Variants in MPP4 observed in about 807,000 individuals in gnomAD.
The protein encoded by MPP4 is MAGUK p55 scaffold protein 4.
A neutral mutation model predicts 98.3 loss-of-function variants in MPP4; 91 were observed. The observed-to-expected ratio is 0.93, with a 90% confidence interval of 0.78 to 1.10. The LOEUF (loss-of-function observed/expected upper bound fraction) is 1.10, where lower values mean the gene tolerates loss of function less well. Among genes scored for constraint, MPP4 ranks in the 50% least tolerant of loss-of-function variants. The probability of loss-of-function intolerance (pLI) is 0.00; values close to 1 mark genes in which losing one functional copy is unlikely to be tolerated. For missense variants in MPP4, 744 were observed against 792.9 expected, an observed-to-expected ratio of 0.94 and a Z score of 0.74; for synonymous variants, 261 against 271.8, an observed-to-expected ratio of 0.96 and a Z score of 0.39.
chr2:201,652,555 T>G (rs1687743575), intron 18 of MPP4, among the ~76,000 whole-genome samples: 1 of 152,256 alleles, frequency 6.6e-6, no homozygotes, highest in Admixed American at 6.5e-5. Context: ...TGCCACAATT[T>G]CATTTTCATC....
chr2:201,647,065 AATGT>A lies in MPP4; in HGVS notation c.1719+622_1719+625del, dbSNP rs1388417751. On this transcript the variant is annotated intron_variant, in intron 21 of 21. Coordinates refer to ENST00000409474, the MANE Select transcript of MPP4 (RefSeq NM_033066.3). ...ACTGTACACTCTGTACACCTTACTG[AATGT>A]ATGTTATGACACAATATTTAAAGCA... is the stretch of plus-strand genomic sequence containing the variant. 7.2e-5 allele frequency among the ~76,000 whole-genome samples: 11 copies of A among 152,342 alleles called. 1 individual carries two copies. The highest frequency in any genetic ancestry group is 2.6e-4 in the African/African-American group (11 of 41,586).
At chr2:201,698,016 G>C (rs961407642) in intron 1 of MPP4, 10 of 985,234 alleles carry the variant, frequency 1.0e-5, no homozygotes, top group Non-Finnish European at 1.2e-5. Flanking sequence ...TCTTGATTGA[G>C]ACTGCAAATA....
intron 5 of MPP4, among the ~76,000 whole-genome samples, chr2:201,686,603 T>C (rs1360170326): frequency 6.6e-6 from 1 of 152,134 alleles, no homozygotes; most frequent in Admixed American, 6.5e-5. Context: ...AAATTCTTCA[T>C]TTCACGGGCT....
chr2:201,661,335 T>C (rs1688019067), intron 14 of MPP4: 2 of 447,624 alleles, frequency 4.5e-6, no homozygotes, highest in East Asian at 7.0e-5. Context: ...AGACCGAAAC[T>C]GAAGAACCTT....
intron 13 of MPP4, chr2:201,665,063 C>CT (rs397868302): frequency 0.41 from 46,587 of 112,978 alleles, 12,453 homozygotes; most frequent in South Asian, 0.6. Flanking sequence ...TACATCATTG[C>CT]TTTTTTTTTT....
Position 201,681,310 on chromosome 2 carries a change from C to T in MPP4, c.732+186G>A, listed in dbSNP as rs145855416. Among the ~76,000 whole-genome samples, 25 of 152,174 alleles carry T rather than the reference C, an allele frequency of 1.6e-4. No individual in the cohort carries two copies. The East Asian group carries it at 4.3e-3, about 26-fold the overall frequency. On this transcript the variant is annotated intron_variant, in intron 9 of 21. Coordinates refer to ENST00000409474, the MANE Select transcript of MPP4 (RefSeq NM_033066.3). ...TGTTGCTTCTTGACTTCTTAGTATC[C>T]CATCTCCTTGTACTGTACTCATTTA...
intron 10 of MPP4, among the ~76,000 whole-genome samples, chr2:201,678,460 C>G (rs1338405466): frequency 6.6e-6 from 1 of 152,210 alleles, no homozygotes; most frequent in Non-Finnish European, 1.5e-5. Flanking sequence ...TGCAGCCCAA[C>G]TCTCCCTGTG....
intron 11 of MPP4, among the ~76,000 whole-genome samples, chr2:201,670,316 CAG>C (rs1267724716): frequency 1.3e-5 from 2 of 151,954 alleles, no homozygotes; most frequent in Non-Finnish European, 2.9e-5. Context: ...TTAAGCAGAG[CAG>C]AAACATACAA....
At position 201,685,097 on chromosome 2, in the gene MPP4, T is replaced by C; in HGVS notation, c.541A>G (p.Arg181Gly). 1 of 1,612,416 alleles carries C rather than the reference T, an allele frequency of 6.2e-7. No individual in the cohort carries two copies. Among genetic ancestry groups the C allele is most frequent in the Non-Finnish European group, 8.5e-7 (1 of 1,179,428 alleles). ...HEMTGDILVARIIHGGLAERS... is the reference protein window; with the variant it reads ...HEMTGDILVAGIIHGGLAERS... ...TCCGCCAGCCCACCGTGGATGATCC[T>C]GGCCACCAAGATGTCCCCTGTCATC... Residue 181 changes from arginine (R) to glycine (G), a missense_variant, in exon 7 of 22, where the codon AGG (arginine) becomes GGG (glycine). By Grantham distance (125) the Arg-to-Gly change is moderately radical. Transcript: ENST00000409474.
chr2:201,658,384 T>C, intron 16 of MPP4, 93 bp downstream of exon 16: 1 of 1,051,570 alleles, frequency 9.5e-7, no homozygotes, highest in South Asian at 1.4e-5. Flanking sequence ...CTGGAAATGT[T>C]CATTAGCAAA....
At chr2:201,686,743 C>G (rs1367026103) in intron 5 of MPP4, among the ~76,000 whole-genome samples, 1 of 152,138 alleles carries the variant, frequency 6.6e-6, no homozygotes, top group East Asian at 1.9e-4. Context: ...TGAATTATAA[C>G]TTTTGACTGA....
intron 4 of MPP4, among the ~76,000 whole-genome samples, chr2:201,687,985 C>T (rs1574635451): frequency 6.6e-6 from 1 of 152,300 alleles, no homozygotes; most frequent in Middle Eastern, 3.4e-3. Context: ...CTTTAGTCAG[C>T]CCCATTACCT....
intron 5 of MPP4, 73 bp from the exon 6 acceptor site, chr2:201,686,123 T>A (rs1688822368): frequency 6.4e-7 from 1 of 1,557,592 alleles, no homozygotes; most frequent in Admixed American, 1.8e-5. Context: ...AGTAACTCAA[T>A]ACTATCTAAG....
At chr2:201,675,127 CAATT>C (rs1177042766) in intron 11 of MPP4, 76 bp downstream of exon 11, 14 of 1,430,274 alleles carry the variant, frequency 9.8e-6, no homozygotes, top group Middle Eastern at 1.7e-4. Context: ...AGCCTCACAT[CAATT>C]AGACTCTTTA....
rs866882165 is a variant in MPP4 at position 201,681,545 on chromosome 2, A to G, written c.683T>C (p.Met228Thr). ...HILAMSRGTIMFKVVPVSDPP... is the reference protein window; with the variant it reads ...HILAMSRGTITFKVVPVSDPP... ...GTCAGAGACTGGAACCACCTTGAAC[A>G]TGATTGTGCCTCGAGACATGGCCTG... The change falls in exon 9 of 22, where the codon ATG becomes ACG. Residue 228 changes from methionine to threonine, a missense_variant. By Grantham distance (81) the Met-to-Thr change is moderately conservative. Transcript: ENST00000409474. The G allele has an allele frequency of 1.9e-6, 3 of 1,613,764 alleles. No homozygotes were observed. The highest frequency in any genetic ancestry group is 1.1e-5 in the South Asian group (1 of 91,036).
In MPP4 at chr2:201,647,728, T is replaced by G. The variant is rs1687604521; in HGVS notation, c.1682A>C (p.Lys561Thr). ...GTCCACATAGTAGTCAGTAATAACC[T>G]TGGCATTTTTCCGAGATTGTTTCAT... ...RCMKQSRKNA[K>T]VITDYYVDMK... Residue 561 changes from lysine (K) to threonine (T), a missense_variant, in exon 21 of 22, where the codon AAG becomes ACG. Physicochemically the swap from Lys to Thr is moderately conservative, Grantham distance 78 (BLOSUM62 -1). Coordinates refer to ENST00000409474, the MANE Select transcript of MPP4 (RefSeq NM_033066.3). 3 of 1,613,998 alleles carry G rather than the reference T, an allele frequency of 1.9e-6. No individual in the cohort carries two copies. Among genetic ancestry groups the G allele is most frequent in the Non-Finnish European group, 2.5e-6 (3 of 1,179,858 alleles).
intron 3 of MPP4, among the ~76,000 whole-genome samples, chr2:201,692,087 A>T (rs1689046350): frequency 6.6e-6 from 1 of 152,124 alleles, no homozygotes; most frequent in Non-Finnish European, 1.5e-5. Flanking sequence ...ACCTAAGTTA[A>T]TTCCTTCCTA....
intron 14 of MPP4, chr2:201,662,082 T>C (rs919849581): frequency 1.3e-5 from 5 of 382,818 alleles, no homozygotes; most frequent in Non-Finnish European, 2.5e-5. Flanking sequence ...CTCAATGCTT[T>C]CTTTTTTTAT....
chr2:201,648,127 A>T (rs930848558), intron 20 of MPP4, among the ~76,000 whole-genome samples: 3 of 152,214 alleles, frequency 2.0e-5, no homozygotes, highest in African/African-American at 7.2e-5. Context: ...AGTTCAAGCA[A>T]TTCTTGTGCC....
Sources: allele counts gnomAD v4.1 joint callset (sites outside exome capture counted in the v4.1 genomes callset), GRCh38; gene constraint gnomAD v4.1.1; transcripts MANE v1.5; gene names NCBI Gene and HGNC (gene_info 2026-07-23, HGNC 2026-07-21).